The following MAP2K5 variants were observed in gnomAD, a reference collection of about 807,000 sequenced individuals.
MAP2K5 encodes the protein mitogen-activated protein kinase kinase 5, also known as dual specificity mitogen-activated protein kinase kinase 5.
A neutral mutation model predicts 83.1 loss-of-function variants in MAP2K5; 49 were observed. The observed-to-expected ratio is 0.59, with a 90% CI of 0.47 to 0.75. The LOEUF is 0.75. Among genes scored for constraint, MAP2K5 ranks in the 30% least tolerant of loss-of-function variants. MAP2K5 has a pLI of 0.00. For missense variants in MAP2K5, 457 were observed against 557.5 expected (o/e 0.82, Z 1.82); for synonymous variants, 202 against 191.8 (o/e 1.05, Z -0.44).
In MAP2K5 at chr15:67,543,154, C is replaced by G; in HGVS notation, c.-182C>G. ...TCAGACCCCCGACAGCCTGGGCAGG[C>G]TCGGTGCCTGCGGGTGCGTTCCTGA... On this transcript the variant is annotated 5_prime_UTR_variant, in exon 1 of 22. Transcript: ENST00000178640. The surrounding 1 kb of genome is among the most constrained non-coding windows in gnomAD (Gnocchi z 4.3). 4 of 629,882 alleles carry G rather than the reference C, an allele frequency of 6.4e-6. No individual in the cohort carries two copies. Among genetic ancestry groups the G allele is most frequent in the Non-Finnish European group, 1.1e-5 (4 of 359,976 alleles). 39.0% of individuals were successfully genotyped at this position (629,882 alleles called of 1,614,324 possible).
At chr15:67,620,330 C>T (rs1410682971) in intron 8 of MAP2K5, among the ~76,000 whole-genome samples, 1 of 152,172 alleles carries the variant, frequency 6.6e-6, no homozygotes, top group East Asian at 1.9e-4. Context: ...GAGACTGCAC[C>T]ACTGCACTCT....
intron 2 of MAP2K5, among the ~76,000 whole-genome samples, chr15:67,554,810 T>C (rs1397853546): frequency 6.6e-6 from 1 of 152,246 alleles, no homozygotes; most frequent in Non-Finnish European, 1.5e-5. Context: ...TGGAACGTTA[T>C]GTGTGTCCAT....
chr15:67,553,521 A>G (rs1481538675), intron 2 of MAP2K5, among the ~76,000 whole-genome samples: 3 of 152,228 alleles, frequency 2.0e-5, no homozygotes, highest in Non-Finnish European at 2.9e-5. Flanking sequence ...ACTTTCCACT[A>G]TAGACTTGAA....
At chr15:67,605,289 A>G (rs8032516) in intron 8 of MAP2K5, among the ~76,000 whole-genome samples, 62 of 151,876 alleles carry the variant, frequency 4.1e-4, no homozygotes, top group Admixed American at 9.2e-4. Flanking sequence ...TCCTGACGTC[A>G]TGATCCACCT....
chr15:67,631,033 G>T, intron 9 of MAP2K5, 106 bp downstream of exon 9: 1 of 841,964 alleles, frequency 1.2e-6, no homozygotes, highest in Non-Finnish European at 1.9e-6. Flanking sequence ...ATGGCTTAAG[G>T]TTTAGATGGT....
At chr15:67,765,949 C>A (rs1406389850) in intron 19 of MAP2K5, among the ~76,000 whole-genome samples, 1 of 152,144 alleles carries the variant, frequency 6.6e-6, no homozygotes, top group Non-Finnish European at 1.5e-5. Context: ...ATGGGTTGAC[C>A]TTCTTGAACC....
intron 1 of MAP2K5, among the ~76,000 whole-genome samples, chr15:67,547,455 C>CTTTTTTTTTTTTTTTTTTTTTTTTTA (rs398057779): frequency 7.8e-6 from 1 of 128,762 alleles, no homozygotes; most frequent in Non-Finnish European, 1.6e-5. Context: ...TTTCTTTTTT[C>CTTTTTTTTTTTTTTTTTTTTTTTTTA]TTTTTTTTTT....
rs1299887959 is a variant in MAP2K5 at position 67,775,266 on chromosome 15, A to C, written c.1242+2514A>C. Among the ~76,000 whole-genome samples the C allele has an allele frequency of 6.6e-6, 1 of 152,234 alleles. No homozygotes were observed. The highest frequency in any genetic ancestry group is 1.5e-5 in the Non-Finnish European group (1 of 68,032). On this transcript the variant is annotated intron_variant, in intron 21 of 21. Coordinates refer to ENST00000178640, the MANE Select transcript of MAP2K5 (RefSeq NM_145160.3). The surrounding 1 kb of genome is among the most constrained non-coding windows in gnomAD (Gnocchi z 5.3). The stretch of plus-strand genomic sequence containing the variant: ...AGTGTTAGAACTCATTTAGTTGTTT[A>C]GATATTTTATCCCCTCTACTTTGTA...
rs2084976363 is a variant in MAP2K5 at position 67,572,870 on chromosome 15, T to A, written c.253-7884T>A. On this transcript the variant is annotated intron_variant, in intron 3 of 21. Transcript: ENST00000178640. The surrounding 1 kb of genome is among the most constrained non-coding windows in gnomAD (Gnocchi z 4.2). ...CCTGCTACCACGCCCAGCTAAGTTTTGTATTTTTAGTAGAGACGGGTTTTC... is the reference window on the plus strand; with the variant it reads ...CCTGCTACCACGCCCAGCTAAGTTTAGTATTTTTAGTAGAGACGGGTTTTC... Among the ~76,000 whole-genome samples the A allele has an allele frequency of 6.6e-6, 1 of 152,106 alleles. No individual in the cohort carries two copies. Among genetic ancestry groups the A allele is most frequent in the Non-Finnish European group, 1.5e-5 (1 of 68,024 alleles).
At position 67,807,003 on chromosome 15, in the gene MAP2K5, A is replaced by T; in HGVS notation, c.*253A>T. 1 of 1,452,380 alleles carries T rather than the reference A, an allele frequency of 6.9e-7. No individual in the cohort carries two copies. The highest frequency in any genetic ancestry group is 9.1e-7 in the Non-Finnish European group (1 of 1,097,226). 90.0% of individuals were successfully genotyped at this position (1,452,380 alleles called of 1,614,324 possible). On this transcript the variant is annotated 3_prime_UTR_variant, in exon 22 of 22. Transcript: ENST00000178640. The surrounding 1 kb of genome is among the most constrained non-coding windows in gnomAD (Gnocchi z 5.1). ...AGAGGTAAAGGGTGGGGCATTGAGA[A>T]TGGAGGCTCCCAGGGTCCCTGCCCA... is the stretch of plus-strand genomic sequence containing the variant.
At chr15:67,672,975 T>C (rs975492920) in intron 13 of MAP2K5, among the ~76,000 whole-genome samples, 3 of 152,234 alleles carry the variant, frequency 2.0e-5, no homozygotes, top group African/African-American at 4.8e-5. Flanking sequence ...TAGTTGTAGA[T>C]ATGCGGTGTT....
At chr15:67,631,675 A>G (rs2086476955) in intron 9 of MAP2K5, among the ~76,000 whole-genome samples, 1 of 152,180 alleles carries the variant, frequency 6.6e-6, no homozygotes, top group Non-Finnish European at 1.5e-5. Flanking sequence ...TGCAATTCAT[A>G]ATTCATACTT....
intron 19 of MAP2K5, among the ~76,000 whole-genome samples, chr15:67,765,551 C>CA (rs1566956877): frequency 6.6e-6 from 1 of 151,870 alleles, no homozygotes; most frequent in African/African-American, 2.4e-5. Context: ...ATTATAGTTT[C>CA]AAAAAAAGAA....
At position 67,747,516 on chromosome 15, in the gene MAP2K5, G is replaced by T. The variant is rs1184687581; in HGVS notation, c.1075-715G>T. ...TTTTATGTCACGTTTTAGTAGCTTT[G>T]TAAGAAATGCAGTTTATCAGTGTTA... On this transcript the variant is annotated intron_variant, in intron 17 of 21. Coordinates refer to ENST00000178640, the MANE Select transcript of MAP2K5 (RefSeq NM_145160.3). This position sits in a 1 kb window ranked among gnomAD's most constrained non-coding sequence, Gnocchi z 4.1. Among the ~76,000 whole-genome samples the T allele has an allele frequency of 6.6e-6, 1 of 152,154 alleles. No homozygotes were observed. Among genetic ancestry groups the T allele is most frequent in the Non-Finnish European group, 1.5e-5 (1 of 68,030 alleles).
chr15:67,570,394 C>G (rs2084927022), intron 3 of MAP2K5, among the ~76,000 whole-genome samples: 1 of 152,170 alleles, frequency 6.6e-6, no homozygotes, highest in Admixed American at 6.5e-5. Context: ...CAATCTGTGA[C>G]CATATGTGGA....
intron 4 of MAP2K5, 57 bp downstream of exon 4, chr15:67,580,880 C>A: frequency 1.7e-6 from 2 of 1,157,266 alleles, no homozygotes; most frequent in Non-Finnish European, 2.6e-6. Context: ...GTTTCATCAA[C>A]AGTTATGTTT....
chr15:67,789,449 G>A (rs1410476424), intron 21 of MAP2K5, among the ~76,000 whole-genome samples: 1 of 152,088 alleles, frequency 6.6e-6, no homozygotes, highest in African/African-American at 2.4e-5. Flanking sequence ...CAGGCGTGGC[G>A]GCTTAACGCC....
chr15:67,658,688 CTCAATGTTTTT>C (rs1203023741), intron 12 of MAP2K5, 74 bp downstream of exon 12: 2 of 1,276,398 alleles, frequency 1.6e-6, no homozygotes, highest in Non-Finnish European at 2.3e-6. Context: ...TTCTTATATT[CTCAATGTTTTT>C]TCTTGTTCTT....
intron 11 of MAP2K5, among the ~76,000 whole-genome samples, chr15:67,651,441 T>C (rs774203573): frequency 6.6e-6 from 1 of 152,192 alleles, no homozygotes; most frequent in Non-Finnish European, 1.5e-5. Context: ...TTGTGATCAC[T>C]CTGTTGTGGT....
Sources: allele counts gnomAD v4.1 joint callset (sites outside exome capture counted in the v4.1 genomes callset), GRCh38; gene constraint gnomAD v4.1.1; non-coding constraint Gnocchi (gnomAD v3.1); transcripts MANE v1.5; gene names NCBI Gene and HGNC (gene_info 2026-07-23, HGNC 2026-07-21).